OTOG: variants seen among roughly 807,000 people sequenced by gnomAD.
The protein encoded by OTOG is otogelin.
Under a neutral mutation model 313.8 loss-of-function variants are expected in OTOG, and 296 were observed. The observed-to-expected ratio is 0.94, with a 90% CI of 0.86 to 1.04. The LOEUF is 1.04. OTOG is among the 50% of genes least tolerant of loss of function. The pLI is 0.00. For missense variants in OTOG, 3,948 were observed against 3,840.1 expected, an observed-to-expected ratio of 1.03 and a Z score of -0.74; for synonymous variants, 1,533 against 1,554.9, an observed-to-expected ratio of 0.99 and a Z score of 0.33.
rs1255036128 is a variant in OTOG at position 17,645,639 on chromosome 11, C to A, written c.8537C>A (p.Thr2846Asn). Residue 2846 changes from threonine to asparagine, a missense_variant, in exon 55 of 56, where the codon ACC (threonine) becomes AAC (asparagine). Thr to Asn is a moderately conservative substitution (Grantham distance 65). Transcript: ENST00000399397. ...CGCAAGAATGAATGCAGGAGCAGCA[C>A]CCCTGTGCGTGGTGCCCACAAGGCA... is the stretch of plus-strand genomic sequence containing the variant. ...TIRKNECRSS[T>N]PVNLVSCDGR... 6 of 1,550,588 alleles carry A rather than the reference C, an allele frequency of 3.9e-6. No individual in the cohort carries two copies. The African/African-American group carries it at 5.5e-5, about 14-fold the overall frequency.
intron 33 of OTOG, among the ~76,000 whole-genome samples, chr11:17,607,351 C>T (rs988188659): frequency 2.6e-5 from 4 of 152,248 alleles, no homozygotes; most frequent in Admixed American, 2.0e-4. Context: ...AAACTGGTCA[C>T]TTGTGCCAAG....
intron 23 of OTOG, among the ~76,000 whole-genome samples, chr11:17,583,474 ATTATATTT>A (rs1273283226): frequency 6.6e-6 from 1 of 152,150 alleles, no homozygotes; most frequent in Non-Finnish European, 1.5e-5. Flanking sequence ...ATTTAAAATT[ATTATATTT>A]TACACATGTT....
chr11:17,570,451 T>A (rs148201478), intron 17 of OTOG, 61 bp downstream of exon 17: 16,187 of 1,497,694 alleles, frequency 0.011, 108 homozygotes, highest in South Asian at 0.015. Context: ...GGGCTGGGTA[T>A]CTAGAGGCAC....
chr11:17,599,084 T>C (rs1226552774), intron 30 of OTOG, among the ~76,000 whole-genome samples: 3 of 152,236 alleles, frequency 2.0e-5, no homozygotes, highest in Non-Finnish European at 2.9e-5. Context: ...ACTGAGAATC[T>C]GCAGCTGAGG....
intron 32 of OTOG, among the ~76,000 whole-genome samples, chr11:17,605,557 A>AGGAGGGAAGAATGGAAAGAG (rs1853360821): frequency 6.6e-6 from 1 of 152,184 alleles, no homozygotes; most frequent in Non-Finnish European, 1.5e-5. Context: ...TGTTTGCAGA[A>AGGAGGGAAGAATGGAAAGAG]GGAGGGAAGA....
In OTOG at chr11:17,635,196, C is replaced by A. The variant is rs763986844; in HGVS notation, c.7693+9C>A. 2 of 1,536,162 alleles carry A rather than the reference C, an allele frequency of 1.3e-6. No individual in the cohort carries two copies. The highest frequency in any genetic ancestry group is 2.4e-5 in the South Asian group (2 of 83,736). On this transcript the variant is annotated intron_variant, in intron 46 of 55. Transcript: ENST00000399397. ...CACCTCCTACTTCTGCGGTGGGTCGCCGCCACCAGACGCCAGCGCACACAG... is the reference window on the plus strand; with the variant it reads ...CACCTCCTACTTCTGCGGTGGGTCGACGCCACCAGACGCCAGCGCACACAG...
chr11:17,642,447 A>G (rs1565132164), intron 53 of OTOG, among the ~76,000 whole-genome samples: 1 of 152,200 alleles, frequency 6.6e-6, no homozygotes, highest in Non-Finnish European at 1.5e-5. Flanking sequence ...CACACATCAC[A>G]TGACCACATG....
At chr11:17,636,249 A>G (rs1333779555) in intron 47 of OTOG, among the ~76,000 whole-genome samples, 4 of 152,236 alleles carry the variant, frequency 2.6e-5, no homozygotes, top group Admixed American at 6.5e-5. Context: ...GTATGTGCAT[A>G]TCATGTACTG....
intron 42 of OTOG, among the ~76,000 whole-genome samples, chr11:17,633,171 C>G (rs975971391): frequency 2.0e-5 from 3 of 152,224 alleles, no homozygotes; most frequent in Non-Finnish European, 4.4e-5. Flanking sequence ...CTCAAAAACT[C>G]CCAAAGGATT....
Position 17,596,896 on chromosome 11 carries a change from G to C in OTOG, c.3571G>C (p.Gly1191Arg). ...FYSNCLTDTC[G>R]CSQGGDCECF... ...CTCAAACTGCCTGACAGACACATGT[G>C]GCTGCAGCCAGGGTGGTGACTGTGA... The change falls in exon 30 of 56, where the codon GGC becomes CGC. Residue 1191 changes from glycine to arginine, a missense_variant. Transcript: ENST00000399397. The C allele has an allele frequency of 6.4e-7, 1 of 1,551,002 alleles. No individual in the cohort carries two copies. Among genetic ancestry groups the C allele is most frequent in the Non-Finnish European group, 8.7e-7 (1 of 1,147,094 alleles).
At chr11:17,644,657 G>C (rs1220019608) in intron 54 of OTOG, among the ~76,000 whole-genome samples, 1 of 152,136 alleles carries the variant, frequency 6.6e-6, no homozygotes, top group African/African-American at 2.4e-5. Flanking sequence ...AATACAAAAT[G>C]TACAAATTCA....
intron 6 of OTOG, among the ~76,000 whole-genome samples, chr11:17,555,187 T>C (rs1421674468): frequency 7.3e-6 from 1 of 136,728 alleles, no homozygotes; most frequent in African/African-American, 3.1e-5. Flanking sequence ...CTGGGTTCTG[T>C]CTGAATGGCG....
chr11:17,628,612 C>T (rs1854041181), intron 39 of OTOG, among the ~76,000 whole-genome samples: 1 of 152,158 alleles, frequency 6.6e-6, no homozygotes, highest in African/African-American at 2.4e-5. Flanking sequence ...GTAAATCAGG[C>T]ATAGTATCTG....
intron 39 of OTOG, among the ~76,000 whole-genome samples, chr11:17,623,222 G>T (rs1425749890): frequency 6.6e-6 from 1 of 152,066 alleles, no homozygotes; most frequent in African/African-American, 2.4e-5. Context: ...GCAGGAGTTT[G>T]TTGTACAGAT....
In OTOG at chr11:17,634,307, G is replaced by A. The variant is rs1354552313; in HGVS notation, c.7480+26G>A. ...GTGAGTGTCCACCTTCACTTCCTTG[G>A]ACGTCAACTGTAAAACAGTTAAAAG... On this transcript the variant is annotated intron_variant, in intron 44 of 55. Transcript: ENST00000399397. The A allele has an allele frequency of 6.5e-6, 10 of 1,544,638 alleles. No homozygotes were observed. In the East Asian group the frequency reaches 2.0e-4, roughly 30 times the overall value.
At chr11:17,547,771 C>G (rs1441500582) in intron 1 of OTOG, among the ~76,000 whole-genome samples, 156 bp from the exon 2 acceptor site, 1 of 151,944 alleles carries the variant, frequency 6.6e-6, no homozygotes, top group Non-Finnish European at 1.5e-5. Flanking sequence ...GAAGGGTCAT[C>G]AGGAAGGGAG....
chr11:17,614,199 A>G (rs1853668231), intron 39 of OTOG, among the ~76,000 whole-genome samples: 1 of 152,122 alleles, frequency 6.6e-6, no homozygotes, highest in Non-Finnish European at 1.5e-5. Context: ...GCTCCTCCCA[A>G]CAGGTGGGCA....
At chr11:17,551,927 C>T in intron 3 of OTOG, 73 bp from the exon 4 acceptor site, 2 of 1,358,426 alleles carry the variant, frequency 1.5e-6, no homozygotes, top group South Asian at 1.3e-5. Flanking sequence ...GGGCTGTGGC[C>T]ACCAGGAAGC....
chr11:17,625,515 T>C (rs1853962340), intron 39 of OTOG, among the ~76,000 whole-genome samples: 1 of 152,234 alleles, frequency 6.6e-6, no homozygotes, highest in Non-Finnish European at 1.5e-5. Context: ...TACTTGATCG[T>C]GGTGAATAAG....
Sources: gnomAD v4.1 joint callset for allele counts (sites outside exome capture counted in the v4.1 genomes callset) on GRCh38, gnomAD v4.1.1 for gene constraint, MANE v1.5 for transcripts, NCBI Gene and HGNC (gene_info 2026-07-23, HGNC 2026-07-21) for gene names.